The following SLAIN2 variants were observed in gnomAD, a reference collection of about 807,000 sequenced individuals.
SLAIN2 encodes SLAIN motif-containing protein 2.
In SLAIN2, 31 loss-of-function variants were observed where a neutral mutation model predicts 56.6. The observed-to-expected ratio is 0.55, with a 90% confidence interval of 0.41 to 0.74. SLAIN2 has a LOEUF of 0.74. Among genes scored for constraint, SLAIN2 ranks in the 30% least tolerant of loss-of-function variants. The probability of loss-of-function intolerance (pLI) is 0.00; values close to 1 mark genes in which losing one functional copy is unlikely to be tolerated. For missense variants in SLAIN2, 777 were observed against 754.2 expected (o/e 1.03, Z -0.35); for synonymous variants, 317 against 284.9 (o/e 1.11, Z -1.13).
At chr4:48,404,238 G>T (rs758862533) in intron 6 of SLAIN2, among the ~76,000 whole-genome samples, 4 of 152,052 alleles carry the variant, frequency 2.6e-5, no homozygotes, top group African/African-American at 9.7e-5. Context: ...CCCACCCTCC[G>T]ACTTTTGCAT....
chr4:48,362,732 C>CTTTTTTTTTTTT (rs397716685), intron 1 of SLAIN2, among the ~76,000 whole-genome samples: 1 of 116,408 alleles, frequency 8.6e-6, no homozygotes, highest in Non-Finnish European at 1.7e-5. Flanking sequence ...TTTTAAATTT[C>CTTTTTTTTTTTT]TTTTTTTTTT....
At chr4:48,364,906 G>A (rs1410208843) in intron 1 of SLAIN2, among the ~76,000 whole-genome samples, 1 of 149,596 alleles carries the variant, frequency 6.7e-6, no homozygotes, top group Non-Finnish European at 1.5e-5. Context: ...GGGAGAGGGA[G>A]AGCTGGTTTT....
At position 48,422,116 on chromosome 4, in the gene SLAIN2, G is replaced by T. The variant is rs921550224; in HGVS notation, c.*39G>T. ...GAATGCAGAAGTCCACGGCTTCATG[G>T]ATACCCTTCACCAGGCTAAAAAACA... On this transcript the variant is annotated 3_prime_UTR_variant, in exon 8 of 8. Transcript: ENST00000264313. The T allele has an allele frequency of 5.8e-6, 9 of 1,556,144 alleles. No individual in the cohort carries two copies. Among genetic ancestry groups the T allele is most frequent in the Non-Finnish European group, 7.9e-6 (9 of 1,135,368 alleles).
chr4:48,370,687 G>T (rs191474206), intron 2 of SLAIN2, among the ~76,000 whole-genome samples: 1 of 152,216 alleles, frequency 6.6e-6, no homozygotes, highest in African/African-American at 2.4e-5. Context: ...TAGCATGCCA[G>T]TGTGGGCAGA....
intron 1 of SLAIN2, among the ~76,000 whole-genome samples, chr4:48,358,440 C>A (rs1269973650): frequency 6.6e-6 from 1 of 151,930 alleles, no homozygotes; most frequent in Admixed American, 6.6e-5. Context: ...CTGCCTCAGC[C>A]TCCCGAGTAG....
chr4:48,354,399 T>C (rs1169944782), intron 1 of SLAIN2, among the ~76,000 whole-genome samples: 1 of 152,126 alleles, frequency 6.6e-6, no homozygotes. Flanking sequence ...CTTAGCCTCT[T>C]AGAGAAATTG....
At chr4:48,379,044 T>C (rs1715901576) in intron 3 of SLAIN2, among the ~76,000 whole-genome samples, 1 of 152,164 alleles carries the variant, frequency 6.6e-6, no homozygotes, top group African/African-American at 2.4e-5. Context: ...TTAGTAAAAG[T>C]TGACGATCTG....
intron 6 of SLAIN2, among the ~76,000 whole-genome samples, chr4:48,393,070 A>G (rs985748388): frequency 1.3e-5 from 2 of 151,994 alleles, no homozygotes; most frequent in Non-Finnish European, 2.9e-5. Flanking sequence ...TTTTTGTGCA[A>G]TAGAAGTAAG....
At chr4:48,348,095 C>T (rs1273380960) in intron 1 of SLAIN2, among the ~76,000 whole-genome samples, 1 of 152,056 alleles carries the variant, frequency 6.6e-6, no homozygotes, top group Non-Finnish European at 1.5e-5. Context: ...GGGAAGAGAA[C>T]TTTTTGAGTA....
intron 6 of SLAIN2, among the ~76,000 whole-genome samples, chr4:48,402,462 T>G (rs923314760): frequency 2.0e-5 from 3 of 152,020 alleles, no homozygotes; most frequent in Non-Finnish European, 2.9e-5. Context: ...ATTTGTTCAT[T>G]CCTTTTTCTC....
In SLAIN2 at chr4:48,341,671, C is replaced by T. The variant is rs374980903; in HGVS notation, c.-69C>T. On this transcript the variant is annotated 5_prime_UTR_variant, in exon 1 of 8. Coordinates refer to ENST00000264313, the MANE Select transcript of SLAIN2 (RefSeq NM_020846.2). ...GAGTGAGCGGCGGCGACGCCTCTTT[C>T]CTCCGTCTCTTTCCCTGTCGCTGCG... is the stretch of plus-strand genomic sequence containing the variant. 3.8e-4 allele frequency: 565 copies of T among 1,496,112 alleles called. 2 individuals are homozygous for T. In the East Asian group the frequency reaches 0.012, roughly 32 times the overall value. The allele number at this position is 1,496,112 out of a possible 1,614,324, so 92.7% of individuals were successfully genotyped here. A position where few individuals can be genotyped will look rare whatever the true frequency, so the allele number is the denominator to read the frequency against.
chr4:48,390,234 T>C (rs942130992), intron 6 of SLAIN2, among the ~76,000 whole-genome samples: 2 of 151,870 alleles, frequency 1.3e-5, no homozygotes, highest in Non-Finnish European at 2.9e-5. Flanking sequence ...CGCACCACCA[T>C]GCCTGGCTAA....
chr4:48,354,781 A>G (rs1045731858), intron 1 of SLAIN2, among the ~76,000 whole-genome samples: 1 of 151,972 alleles, frequency 6.6e-6, no homozygotes, highest in Non-Finnish European at 1.5e-5. Context: ...GGTATTTTGA[A>G]AGGAACAAAT....
At chr4:48,394,336 T>G (rs1401330106) in intron 6 of SLAIN2, among the ~76,000 whole-genome samples, 7 of 152,206 alleles carry the variant, frequency 4.6e-5, no homozygotes, top group African/African-American at 1.7e-4. Context: ...TATTGGAGAT[T>G]TTCTCACCTG....
At chr4:48,348,642 A>G (rs1488061635) in intron 1 of SLAIN2, among the ~76,000 whole-genome samples, 2 of 150,760 alleles carry the variant, frequency 1.3e-5, no homozygotes, top group African/African-American at 2.4e-5. Flanking sequence ...GTGAGCTGAG[A>G]TCACGCCATT....
intron 6 of SLAIN2, among the ~76,000 whole-genome samples, chr4:48,412,961 C>T (rs1716905197): frequency 6.6e-6 from 1 of 152,020 alleles, no homozygotes; most frequent in Admixed American, 6.6e-5. Context: ...GACACGGTGG[C>T]TCACCTATAA....
rs1474448474 is a variant in SLAIN2, at chr4:48,379,760, T to G, written c.774T>G (p.Ala258=). The change falls in exon 4 of 8, where the codon GCT becomes GCG. Residue 258 remains alanine (A), a synonymous_variant. Coordinates refer to ENST00000264313, the MANE Select transcript of SLAIN2 (RefSeq NM_020846.2). ...CCTCTATAGATAGTGAGTTAAGTGC[T>G]TCAGAATTAGATGAAGATTCAATTG... ...PQSSIDSELS[A]SELDEDSIGS... is the part of the protein sequence containing the mutation. 6.3e-7 allele frequency: 1 copy of G among 1,596,950 alleles called. No individual in the cohort carries two copies.
chr4:48,346,822 G>A (rs1406795550), intron 1 of SLAIN2, among the ~76,000 whole-genome samples: 1 of 147,730 alleles, frequency 6.8e-6, no homozygotes, highest in Non-Finnish European at 1.5e-5. Flanking sequence ...CATCTAATAA[G>A]CTTTCTATTT....
intron 2 of SLAIN2, 145 bp downstream of exon 2, chr4:48,370,142 A>G: frequency 1.3e-6 from 1 of 793,186 alleles, no homozygotes; most frequent in South Asian, 2.3e-5. Flanking sequence ...AGTTTTTCCC[A>G]TGTTCACATA....
Sources: gnomAD v4.1 joint callset for allele counts (sites outside exome capture counted in the v4.1 genomes callset) on GRCh38, gnomAD v4.1.1 for gene constraint, MANE v1.5 for transcripts, NCBI Gene and HGNC (gene_info 2026-07-23, HGNC 2026-07-21) for gene names.